Variants in GNB5 observed in about 807,000 individuals in gnomAD.
The protein encoded by GNB5 is G protein subunit beta 5.
In GNB5, 37 loss-of-function variants were observed where a neutral mutation model predicts 55.3. The ratio of observed to expected loss-of-function variants is 0.67; its 90% CI spans 0.51 to 0.88. GNB5 has a LOEUF of 0.88. GNB5 is among the 40% of genes least tolerant of loss of function. The pLI is 0.00. For missense variants in GNB5, 476 were observed against 515.3 expected (o/e 0.92, Z 0.74); for synonymous variants, 219 against 198.5 (o/e 1.10, Z -0.87).
chr15:52,152,978 CATAAAA>C (rs1418567603), intron 4 of GNB5, among the ~76,000 whole-genome samples: 6 of 152,330 alleles, frequency 3.9e-5, no homozygotes, highest in African/African-American at 1.4e-4. Context: ...ATACATGTTA[CATAAAA>C]ATAGACATCA....
At chr15:52,143,220 G>T (rs923801048) in intron 6 of GNB5, among the ~76,000 whole-genome samples, 1 of 150,594 alleles carries the variant, frequency 6.6e-6, no homozygotes, top group Non-Finnish European at 1.5e-5. Context: ...CTATGGTAAG[G>T]GGACAAGCAT....
intron 3 of GNB5, chr15:52,162,856 A>G (rs2034363608): frequency 6.6e-6 from 1 of 152,326 alleles, no homozygotes; most frequent in South Asian, 2.1e-4. Context: ...GCCTTAAAAA[A>G]CAAAACAAAC....
At chr15:52,159,158 A>ATTATTT (rs2034278740) in intron 3 of GNB5, among the ~76,000 whole-genome samples, 1 of 152,202 alleles carries the variant, frequency 6.6e-6, no homozygotes, top group Non-Finnish European at 1.5e-5. Context: ...ATTGCAGAGT[A>ATTATTT]AGGGGTAGGT....
intron 3 of GNB5, among the ~76,000 whole-genome samples, chr15:52,176,000 GATC>G (rs2034642654): frequency 6.6e-6 from 1 of 152,058 alleles, no homozygotes; most frequent in Non-Finnish European, 1.5e-5. Flanking sequence ...AGCGAGCTGA[GATC>G]ATGCCATTGC....
Position 52,149,505 on chromosome 15 carries a change from GGGCTAT to G in GNB5, c.417+373_417+378del, listed in dbSNP as rs762072575. The G allele has an allele frequency of 6.1e-5, 32 of 525,444 alleles. 1 individual carries two copies. In the South Asian group the frequency reaches 8.2e-4, roughly 13 times the overall value. 32.5% of individuals were successfully genotyped at this position (525,444 alleles called of 1,614,324 possible). ...CACCCTCCACGTGTTCATTCCCACA[GGGCTAT>G]GGAGTCTGGTCAAAGAGAGGGGAGA... On this transcript the variant is annotated intron_variant, in intron 5 of 12. Transcript: ENST00000261837.
rs976110686 is a variant in GNB5, at chr15:52,135,647, G to C, written c.737C>G (p.Ala246Gly). 1.2e-6 allele frequency: 2 copies of C among 1,613,652 alleles called. No homozygotes were observed. Among genetic ancestry groups the C allele is most frequent in the Non-Finnish European group, 1.7e-6 (2 of 1,179,798 alleles). The change falls in exon 8 of 13, where the codon GCC becomes GGC. Residue 246 changes from alanine to glycine, a missense_variant. Coordinates refer to ENST00000261837, the MANE Select transcript of GNB5 (RefSeq NM_016194.4). The stretch of plus-strand genomic sequence containing the variant: ...GAAGGTGTTTCCAGTTTCTGAGGGG[G>C]CCAGGTCCAAGCAGAGGACGTCAGC... ...HGADVLCLDLAPSETGNTFVS... is the reference protein window; with the variant it reads ...HGADVLCLDLGPSETGNTFVS...
chr15:52,171,911 G>A (rs564546311), intron 3 of GNB5, among the ~76,000 whole-genome samples: 21 of 152,224 alleles, frequency 1.4e-4, no homozygotes, highest in South Asian at 4.2e-4. Flanking sequence ...TCAGAGAAAC[G>A]ACATAAACTT....
At chr15:52,125,884 A>G (rs2033411103) in intron 11 of GNB5, 64 bp downstream of exon 11, 4 of 712,832 alleles carry the variant, frequency 5.6e-6, no homozygotes, top group East Asian at 2.7e-5. Flanking sequence ...GCGATGATGG[A>G]GCGCTAGTTT....
At chr15:52,139,333 G>C (rs2033798820) in intron 7 of GNB5, among the ~76,000 whole-genome samples, 2 of 151,984 alleles carry the variant, frequency 1.3e-5, no homozygotes, top group African/African-American at 4.8e-5. Context: ...ACCCACTACA[G>C]GCCTACCAGC....
At chr15:52,129,175 T>A (rs1350115939) in intron 9 of GNB5, among the ~76,000 whole-genome samples, 3 of 151,990 alleles carry the variant, frequency 2.0e-5, no homozygotes, top group African/African-American at 7.3e-5. Flanking sequence ...AGGCTAGTCT[T>A]GAACTCCTGA....
intron 1 of GNB5, among the ~76,000 whole-genome samples, chr15:52,188,800 A>T (rs1050945692): frequency 1.3e-5 from 2 of 152,228 alleles, no homozygotes; most frequent in Admixed American, 1.3e-4. Flanking sequence ...TGTTTATTTT[A>T]AAAAGAACCA....
At chr15:52,171,504 C>T (rs1051338343) in intron 3 of GNB5, among the ~76,000 whole-genome samples, 43 of 152,310 alleles carry the variant, frequency 2.8e-4, no homozygotes, top group African/African-American at 8.9e-4. Flanking sequence ...AACACCCTTG[C>T]ATTAGCCAGC....
In GNB5 at chr15:52,117,656, G is replaced by A. The variant is rs2033172691; in HGVS notation, c.*5101C>T. The A allele has an allele frequency of 6.6e-6, 1 of 152,358 alleles. No homozygotes were observed. The highest frequency in any genetic ancestry group is 6.5e-5 in the Admixed American group (1 of 15,292). The allele number at this position is 152,358 out of a possible 1,614,324, so 9.4% of individuals were successfully genotyped here. A position where few individuals can be genotyped will look rare whatever the true frequency, so the allele number is the denominator to read the frequency against. On this transcript the variant is annotated 3_prime_UTR_variant, in exon 13 of 13. Transcript: ENST00000261837. ...CCAGCCAAGTGCTGTCTAGAAGCAGGAGTCTGTGGTATGTCTGGAAGAGTG... is the reference window on the plus strand; with the variant it reads ...CCAGCCAAGTGCTGTCTAGAAGCAGAAGTCTGTGGTATGTCTGGAAGAGTG...
In GNB5 at chr15:52,120,096, C is replaced by T. The variant is rs1436345671; in HGVS notation, c.*2661G>A. The T allele has an allele frequency of 1.3e-5, 2 of 152,354 alleles. No individual in the cohort carries two copies. The highest frequency in any genetic ancestry group is 2.9e-5 in the Non-Finnish European group (2 of 68,178). 9.4% of individuals were successfully genotyped at this position (152,354 alleles called of 1,614,324 possible). A position where few individuals can be genotyped will look rare whatever the true frequency, so the allele number is the denominator to read the frequency against. On this transcript the variant is annotated 3_prime_UTR_variant, in exon 13 of 13. Coordinates refer to ENST00000261837, the MANE Select transcript of GNB5 (RefSeq NM_016194.4). Reference sequence around the variant, plus strand: ...TTCCCATAAATACCCATCACCCACACCTTTCTGCCTGAACTTTCTTTTTTC... The same window carrying T: ...TTCCCATAAATACCCATCACCCACATCTTTCTGCCTGAACTTTCTTTTTTC...
chr15:52,140,103 C>T (rs1394947971), intron 7 of GNB5: 3 of 407,426 alleles, frequency 7.4e-6, no homozygotes, highest in Non-Finnish European at 1.1e-5. Context: ...GGTGACACTG[C>T]AAGTCCCAAC....
intron 5 of GNB5, chr15:52,149,683 G>A (rs2034049654): frequency 3.1e-6 from 2 of 652,386 alleles, no homozygotes. Flanking sequence ...CTCTTGGGGC[G>A]AGAGGGGAAT....
chr15:52,136,059 A>T (rs1301530945), intron 7 of GNB5, among the ~76,000 whole-genome samples: 1 of 122,510 alleles, frequency 8.2e-6, no homozygotes, highest in Non-Finnish European at 1.6e-5. Flanking sequence ...TGCAGGGAAA[A>T]GCAGAACACA....
intron 8 of GNB5, among the ~76,000 whole-genome samples, chr15:52,135,029 C>T (rs2033668824): frequency 6.6e-6 from 1 of 152,010 alleles, no homozygotes; most frequent in Non-Finnish European, 1.5e-5. Context: ...CACCCTGACT[C>T]CTAGTCTAGT....
At chr15:52,129,104 T>C (rs1267516641) in intron 9 of GNB5, among the ~76,000 whole-genome samples, 1 of 152,020 alleles carries the variant, frequency 6.6e-6, no homozygotes, top group Non-Finnish European at 1.5e-5. Flanking sequence ...TACAGGTGTA[T>C]GCCACTATGC....
Sources: gnomAD v4.1 joint callset for allele counts (sites outside exome capture counted in the v4.1 genomes callset) on GRCh38, gnomAD v4.1.1 for gene constraint, MANE v1.5 for transcripts, NCBI Gene and HGNC (gene_info 2026-07-23, HGNC 2026-07-21) for gene names.